The following YLPM1 variants were observed in gnomAD, a reference collection of about 807,000 sequenced individuals.
The protein encoded by YLPM1 is YLP motif containing 1.
YLPM1 carries 99 observed loss-of-function variants against 230.0 expected under a neutral mutation model. The ratio of observed to expected loss-of-function variants is 0.43; its 90% CI spans 0.37 to 0.51. The LOEUF (loss-of-function observed/expected upper bound fraction) is 0.51, where lower values mean the gene tolerates loss of function less well. YLPM1 is among the 20% of genes least tolerant of loss of function. The pLI, the probability that YLPM1 is intolerant of heterozygous loss-of-function variation, is 0.00. For synonymous variants in YLPM1, 984 were observed against 942.5 expected (o/e 1.04, Z -0.81); for missense variants, 2,592 against 2,707.7 (o/e 0.96, Z 0.95).
chr14:74,816,170 A>AT lies in YLPM1; in HGVS notation c.5503-18dup, dbSNP rs5809679. ...CATTGCAGAAAATTTTCTCTCAGTG[A>AT]TTTTTTTTTTTTTTTGGTCTATTCT... On this transcript the variant is annotated intron_variant, in intron 11 of 20. Transcript: ENST00000325680. 5.4e-3 allele frequency: 7,566 copies of AT among 1,396,312 alleles called. 44 individuals carry two copies. The highest frequency in any genetic ancestry group is 0.044 in the African/African-American group (2,957 of 66,662). The allele number at this position is 1,396,312 out of a possible 1,614,324, so 86.5% of individuals were successfully genotyped here.
At chr14:74,778,719 T>C (rs1326894563) in intron 2 of YLPM1, 36 bp downstream of exon 2, 1 of 1,504,764 alleles carries the variant, frequency 6.6e-7, no homozygotes, top group Non-Finnish European at 8.9e-7. Context: ...TTTATTAAAT[T>C]ATTTAGCTTT....
intron 12 of YLPM1, 40 bp downstream of exon 12, chr14:74,816,305 CT>C: frequency 6.3e-7 from 1 of 1,585,732 alleles, no homozygotes; most frequent in African/African-American, 1.3e-5. Flanking sequence ...GCTTGTGCTG[CT>C]TGTGTTAGTA....
chr14:74,769,043 T>A (rs73303999), intron 1 of YLPM1, among the ~76,000 whole-genome samples: 22,125 of 151,346 alleles, frequency 0.15, 1,769 homozygotes, highest in South Asian at 0.29. Context: ...TAAAGTGATA[T>A]TTTTTATTTT....
At chr14:74,803,152 T>C (rs2091344758) in intron 6 of YLPM1, among the ~76,000 whole-genome samples, 1 of 151,380 alleles carries the variant, frequency 6.6e-6, no homozygotes, top group Non-Finnish European at 1.5e-5. Context: ...GTGGGCCTCG[T>C]GATGCTTCCT....
intron 19 of YLPM1, chr14:74,834,807 G>A (rs2091632185): frequency 6.3e-6 from 1 of 158,798 alleles, no homozygotes; most frequent in African/African-American, 2.4e-5. Flanking sequence ...CAGATCAAGA[G>A]GGACCTGAGT....
intron 6 of YLPM1, among the ~76,000 whole-genome samples, chr14:74,808,352 G>T (rs2091399089): frequency 6.6e-6 from 1 of 152,080 alleles, no homozygotes; most frequent in East Asian, 1.9e-4. Context: ...CCTGTTACAT[G>T]AATATACCAC....
chr14:74,795,134 A>T (rs1487024815), intron 4 of YLPM1, among the ~76,000 whole-genome samples: 1 of 152,184 alleles, frequency 6.6e-6, no homozygotes, highest in Non-Finnish European at 1.5e-5. Flanking sequence ...GACACACTTC[A>T]CTTCACCTGT....
At chr14:74,812,812 T>G in intron 11 of YLPM1, 30 bp downstream of exon 11, 1 of 1,601,608 alleles carries the variant, frequency 6.2e-7, no homozygotes. Context: ...TTCGTCTTCG[T>G]GCAAACCAGA....
chr14:74,819,023 T>C (rs1373529146), intron 16 of YLPM1, among the ~76,000 whole-genome samples: 1 of 152,192 alleles, frequency 6.6e-6, no homozygotes, highest in South Asian at 2.1e-4. Flanking sequence ...TTAATTTATC[T>C]CATTATTGGT....
chr14:74,764,825 C>A lies in YLPM1; in HGVS notation c.873+463C>A, dbSNP rs192860473. 5.9e-5 allele frequency among the ~76,000 whole-genome samples: 9 copies of A among 152,158 alleles called. No homozygotes were observed. The East Asian group carries it at 1.7e-3, about 29-fold the overall frequency. ...TTCTTTTAAAAATATTACTTAGGGGCCAGGGATAGTTGTCAGCTTCCTGAA... is the reference window on the plus strand; with the variant it reads ...TTCTTTTAAAAATATTACTTAGGGGACAGGGATAGTTGTCAGCTTCCTGAA... On this transcript the variant is annotated intron_variant, in intron 1 of 20. Transcript: ENST00000325680.
In YLPM1 at chr14:74,835,267, C is replaced by G; in HGVS notation, c.6297C>G (p.Val2099=). The change falls in exon 20 of 21, where the codon GTC becomes GTG. Residue 2099 remains valine, a splice_region_variant and synonymous_variant. Coordinates refer to ENST00000325680, the MANE Select transcript of YLPM1 (RefSeq NM_019589.3). The part of the protein sequence containing the change: ...TRASEPGKKR[V]RWADLEEKKD... Reference sequence around the variant, plus strand: ...GCCTAATGCTATGTTCTTTTTAGGTCAGATGGGCAGACCTGGAAGAGAAGA... The same window carrying G: ...GCCTAATGCTATGTTCTTTTTAGGTGAGATGGGCAGACCTGGAAGAGAAGA... 6.2e-7 allele frequency: 1 copy of G among 1,613,236 alleles called. No homozygotes were observed. Among genetic ancestry groups the G allele is most frequent in the South Asian group, 1.1e-5 (1 of 91,042 alleles).
chr14:74,801,387 TTAATG>T (rs1353888306), intron 5 of YLPM1, among the ~76,000 whole-genome samples: 7 of 152,240 alleles, frequency 4.6e-5, no homozygotes, highest in East Asian at 1.9e-4. Flanking sequence ...TTGGGTCACT[TTAATG>T]TAAGGAGAAA....
chr14:74,764,404 G>C (rs763263507), intron 1 of YLPM1, 42 bp downstream of exon 1: 3 of 1,534,904 alleles, frequency 2.0e-6, no homozygotes, highest in Admixed American at 2.1e-5. Flanking sequence ...CACCTAGAGG[G>C]CCCTGAATGA....
intron 1 of YLPM1, among the ~76,000 whole-genome samples, chr14:74,765,244 A>G (rs1462224780): frequency 6.6e-6 from 1 of 152,204 alleles, no homozygotes; most frequent in African/African-American, 2.4e-5. Context: ...ATCAATTGTT[A>G]TGATTTCCTA....
In YLPM1 at chr14:74,774,221, C is replaced by T. The variant is rs75014068; in HGVS notation, c.874-4226C>T. ...TACATTAGGCAAAGTCATCTGGCCA[C>T]ACAGTACACAGTAGAGTATTGGTTT... On this transcript the variant is annotated intron_variant, in intron 1 of 20. Coordinates refer to ENST00000325680, the MANE Select transcript of YLPM1 (RefSeq NM_019589.3). Among the ~76,000 whole-genome samples the T allele has an allele frequency of 4.7e-3, 716 of 152,276 alleles. 6 individuals are homozygous for T. Among genetic ancestry groups the T allele is most frequent in the African/African-American group, 0.015 (628 of 41,552 alleles).
intron 19 of YLPM1, among the ~76,000 whole-genome samples, chr14:74,833,622 T>A (rs963865082): frequency 6.6e-6 from 1 of 152,208 alleles, no homozygotes; most frequent in Non-Finnish European, 1.5e-5. Flanking sequence ...TTTTCTATAT[T>A]GAAGCCCACA....
intron 16 of YLPM1, among the ~76,000 whole-genome samples, chr14:74,820,411 C>T (rs2091511719): frequency 6.6e-6 from 1 of 152,026 alleles, no homozygotes; most frequent in South Asian, 2.1e-4. Context: ...CTGTGCCCAG[C>T]TAATTTTTTA....
chr14:74,831,274 A>T (rs2091607129), intron 19 of YLPM1, among the ~76,000 whole-genome samples: 1 of 152,166 alleles, frequency 6.6e-6, no homozygotes, highest in Non-Finnish European at 1.5e-5. Flanking sequence ...CCAGGTTTCA[A>T]AGCTTTTTAA....
At chr14:74,775,367 A>G (rs372898857) in intron 1 of YLPM1, among the ~76,000 whole-genome samples, 77 of 152,298 alleles carry the variant, frequency 5.1e-4, no homozygotes, top group Middle Eastern at 6.8e-3. Context: ...GTAACAAATC[A>G]GTATGTTTGG....
Sources: gnomAD v4.1 joint callset for allele counts (sites outside exome capture counted in the v4.1 genomes callset) on GRCh38, gnomAD v4.1.1 for gene constraint, MANE v1.5 for transcripts, NCBI Gene and HGNC (gene_info 2026-07-23, HGNC 2026-07-21) for gene names.